Variants in NWD2 observed in about 807,000 individuals in gnomAD.
NWD2 encodes NACHT and WD repeat domain-containing protein 2.
NWD2 carries 37 observed loss-of-function variants against 132.7 expected under a neutral mutation model. The ratio of observed to expected loss-of-function variants is 0.28; its 90% CI spans 0.21 to 0.37. The LOEUF (loss-of-function observed/expected upper bound fraction) is 0.37. Ranked by LOEUF, NWD2 falls within the 10% of genes least tolerant of loss-of-function variation. The probability of loss-of-function intolerance (pLI) is 1.00; values close to 1 mark genes in which losing one functional copy is unlikely to be tolerated. For synonymous variants in NWD2, 705 were observed against 803.0 expected, an observed-to-expected ratio of 0.88 and a Z score of 2.06; for missense variants, 1,592 against 2,122.4, an observed-to-expected ratio of 0.75 and a Z score of 4.91.
intron 1 of NWD2, among the ~76,000 whole-genome samples, chr4:37,289,402 A>G (rs1718312754): frequency 6.6e-6 from 1 of 152,222 alleles, no homozygotes; most frequent in Non-Finnish European, 1.5e-5. Context: ...TTTATGATAA[A>G]AACTTTCAAA....
At chr4:37,281,542 C>T (rs1275736706) in intron 1 of NWD2, among the ~76,000 whole-genome samples, 1 of 151,994 alleles carries the variant, frequency 6.6e-6, no homozygotes, top group African/African-American at 2.4e-5. Context: ...GAACTGGGAC[C>T]CATCTCTCCG....
At chr4:37,420,657 C>G (rs1436803929) in intron 3 of NWD2, among the ~76,000 whole-genome samples, 2 of 152,118 alleles carry the variant, frequency 1.3e-5, no homozygotes, top group Non-Finnish European at 2.9e-5. Context: ...CCAGTCCAGT[C>G]TGGCGATAGA....
intron 1 of NWD2, among the ~76,000 whole-genome samples, chr4:37,295,321 G>A (rs1321069089): frequency 6.6e-6 from 1 of 152,158 alleles, no homozygotes; most frequent in Non-Finnish European, 1.5e-5. Flanking sequence ...TGTACTTTGT[G>A]TTTGAACACC....
chr4:37,403,233 G>T (rs1720931586), intron 3 of NWD2, among the ~76,000 whole-genome samples: 1 of 152,058 alleles, frequency 6.6e-6, no homozygotes, highest in African/African-American at 2.4e-5. Flanking sequence ...CCTTCATTCT[G>T]GTAGTTTATA....
intron 3 of NWD2, among the ~76,000 whole-genome samples, chr4:37,425,294 A>G (rs1044866454): frequency 6.6e-6 from 1 of 152,220 alleles, no homozygotes; most frequent in Admixed American, 6.5e-5. Flanking sequence ...AGAATTATAC[A>G]TGCAGAAACT....
At chr4:37,437,332 GCA>G (rs1485547230) in intron 5 of NWD2, among the ~76,000 whole-genome samples, 2 of 152,086 alleles carry the variant, frequency 1.3e-5, no homozygotes, top group Non-Finnish European at 2.9e-5. Context: ...GGGCAGGAGG[GCA>G]AGGGAACTCT....
At chr4:37,432,856 G>A (rs1712217379) in intron 4 of NWD2, among the ~76,000 whole-genome samples, 1 of 152,272 alleles carries the variant, frequency 6.6e-6, no homozygotes, top group East Asian at 1.9e-4. Context: ...AAAAGGAAGA[G>A]GGGAAAGGTG....
intron 3 of NWD2, among the ~76,000 whole-genome samples, chr4:37,389,711 A>T (rs1720641960): frequency 6.6e-6 from 1 of 152,140 alleles, no homozygotes; most frequent in Non-Finnish European, 1.5e-5. Context: ...AATATAACTT[A>T]CATTTTTTCT....
At chr4:37,247,753 G>T (rs779734913) in intron 1 of NWD2, among the ~76,000 whole-genome samples, 84 of 151,910 alleles carry the variant, frequency 5.5e-4, no homozygotes, top group Non-Finnish European at 9.1e-4. Flanking sequence ...GGGATTACAG[G>T]TGCCCACCAC....
At chr4:37,430,840 T>C (rs1712155911) in intron 4 of NWD2, 65 bp downstream of exon 4, 3 of 1,396,030 alleles carry the variant, frequency 2.1e-6, no homozygotes, top group African/African-American at 2.9e-5. Flanking sequence ...ATTTATGTCA[T>C]CCGGGGTGGT....
Position 37,445,063 on chromosome 4 carries a change from G to C in NWD2, c.3075G>C (p.Val1025=). The C allele has an allele frequency of 6.4e-7, 1 of 1,551,786 alleles. No homozygotes were observed. The highest frequency in any genetic ancestry group is 2.4e-5 in the East Asian group (1 of 40,910). Residue 1025 remains valine, a synonymous_variant, in exon 7 of 7, where the codon GTG becomes GTC. Coordinates refer to ENST00000309447, the MANE Select transcript of NWD2 (RefSeq NM_001144990.2). The surrounding 1 kb of genome is among the most constrained non-coding windows in gnomAD (Gnocchi z 4.7). ...TCACCAGTGATGAAAAGTACCTTGT[G>C]GTGGCTACAACAAATAACACCTTGT... The part of the protein sequence containing the change: ...MKLTSDEKYL[V]VATTNNTLLI...
intron 3 of NWD2, among the ~76,000 whole-genome samples, chr4:37,402,080 T>G (rs892445396): frequency 4.6e-5 from 7 of 152,174 alleles, no homozygotes; most frequent in Non-Finnish European, 1.0e-4. Flanking sequence ...AGATTCCCAA[T>G]AAAAAGGATG....
chr4:37,302,681 C>T (rs1412163663), intron 1 of NWD2, among the ~76,000 whole-genome samples: 2 of 151,926 alleles, frequency 1.3e-5, no homozygotes, highest in Non-Finnish European at 2.9e-5. Context: ...AAATGTCTCA[C>T]TGTGGTTTTG....
At chr4:37,267,318 A>G (rs1230685336) in intron 1 of NWD2, among the ~76,000 whole-genome samples, 2 of 151,980 alleles carry the variant, frequency 1.3e-5, no homozygotes, top group African/African-American at 2.4e-5. Flanking sequence ...TATGCATATT[A>G]AGGCCTGTGA....
rs374567148 is a variant in NWD2, at chr4:37,443,776, G to A, written c.1788G>A (p.Gln596=). 46 of 1,551,830 alleles carry A rather than the reference G, an allele frequency of 3.0e-5. No homozygotes were observed. The African/African-American group carries it at 5.3e-4, about 18-fold the overall frequency. The stretch of plus-strand genomic sequence containing the variant: ...TCAAAAGGAAGGTCACATCAGGCCA[G>A]CAGATTTATGTGAACAATGCATTAT... The part of the protein sequence containing the change: ...LRVKRKVTSG[Q]QIYVNNALSK... The change falls in exon 7 of 7, where the codon CAG becomes CAA. Residue 596 remains glutamine (Q), a synonymous_variant. Transcript: ENST00000309447. The surrounding 1 kb of genome is among the most constrained non-coding windows in gnomAD (Gnocchi z 4.1).
chr4:37,398,786 A>G (rs1720851101), intron 3 of NWD2, among the ~76,000 whole-genome samples: 1 of 152,248 alleles, frequency 6.6e-6, no homozygotes, highest in South Asian at 2.1e-4. Context: ...AGAAACTTAT[A>G]TTAAAAGAAA....
At chr4:37,338,466 C>T (rs1719455914) in intron 2 of NWD2, among the ~76,000 whole-genome samples, 1 of 152,188 alleles carries the variant, frequency 6.6e-6, no homozygotes, top group African/African-American at 2.4e-5. Context: ...TCCTTGAAAA[C>T]TAAAGTTCCT....
rs141230090 is a variant in NWD2 at position 37,299,447 on chromosome 4, A to G, written c.152-26489A>G. Reference sequence around the variant, plus strand: ...TCTGAATTCTACTCATTTTCAAGTAATAACTTCCCTAAAATCTTCCCCAAT... The same window carrying G: ...TCTGAATTCTACTCATTTTCAAGTAGTAACTTCCCTAAAATCTTCCCCAAT... On this transcript the variant is annotated intron_variant, in intron 1 of 6. Transcript: ENST00000309447. 3.7e-3 allele frequency among the ~76,000 whole-genome samples: 558 copies of G among 152,242 alleles called. 8 individuals are homozygous for G. Among genetic ancestry groups the G allele is most frequent in the African/African-American group, 0.012 (479 of 41,554 alleles).
At chr4:37,363,824 A>C (rs1374505437) in intron 3 of NWD2, among the ~76,000 whole-genome samples, 1 of 152,162 alleles carries the variant, frequency 6.6e-6, no homozygotes. Context: ...AGTTGAAATT[A>C]TATATAAAAA....
Sources: allele counts gnomAD v4.1 joint callset (sites outside exome capture counted in the v4.1 genomes callset), GRCh38; gene constraint gnomAD v4.1.1; non-coding constraint Gnocchi (gnomAD v3.1); transcripts MANE v1.5; gene names NCBI Gene and HGNC (gene_info 2026-07-23, HGNC 2026-07-21).